SRGAP1: variants seen among roughly 807,000 people sequenced by gnomAD.
The protein encoded by SRGAP1 is SLIT-ROBO Rho GTPase-activating protein 1.
Under a neutral mutation model 121.9 loss-of-function variants are expected in SRGAP1, and 43 were observed. The observed-to-expected ratio is 0.35, with a 90% CI of 0.28 to 0.46. The LOEUF (loss-of-function observed/expected upper bound fraction) is 0.46. SRGAP1 is among the 20% of genes least tolerant of loss of function. The probability of loss-of-function intolerance (pLI) is 1.00; values close to 1 mark genes in which losing one functional copy is unlikely to be tolerated. For synonymous variants in SRGAP1, 447 were observed against 485.4 expected, an observed-to-expected ratio of 0.92 and a Z score of 1.04; for missense variants, 1,102 against 1,350.9, an observed-to-expected ratio of 0.82 and a Z score of 2.89.
At chr12:63,897,872 A>G (rs1332921703) in intron 1 of SRGAP1, among the ~76,000 whole-genome samples, 4 of 152,114 alleles carry the variant, frequency 2.6e-5, no homozygotes, top group Non-Finnish European at 5.9e-5. Flanking sequence ...TGTTTTTCAT[A>G]GGTATTTCTG....
intron 1 of SRGAP1, among the ~76,000 whole-genome samples, chr12:63,903,824 G>A (rs1406523898): frequency 2.0e-5 from 3 of 151,662 alleles, no homozygotes; most frequent in East Asian, 2.0e-4. Flanking sequence ...TAGTAGAGAC[G>A]GGGTTTCACT....
rs1415687728 is a variant in SRGAP1 at position 64,147,839 on chromosome 12, TTGTC to T, written c.*5170_*5173del. 49 of 396,214 alleles carry T rather than the reference TTGTC, an allele frequency of 1.2e-4. No homozygotes were observed. Among genetic ancestry groups the T allele is most frequent in the Non-Finnish European group, 2.0e-4 (45 of 225,126 alleles). 24.5% of individuals were successfully genotyped at this position (396,214 alleles called of 1,614,324 possible). The stretch of plus-strand genomic sequence containing the variant: ...ATAAATAAGATAGTTCTGGCTGCCT[TTGTC>T]TGCTTCCAGTTTGATGTGCATCTCT... On this transcript the variant is annotated 3_prime_UTR_variant, in exon 22 of 22. Coordinates refer to ENST00000355086, the MANE Select transcript of SRGAP1 (RefSeq NM_020762.4).
At chr12:64,027,620 T>G (rs2034682434) in intron 4 of SRGAP1, among the ~76,000 whole-genome samples, 2 of 152,038 alleles carry the variant, frequency 1.3e-5, no homozygotes, top group South Asian at 2.1e-4. Context: ...AATCAGAAGT[T>G]GAATGATTTA....
intron 1 of SRGAP1, among the ~76,000 whole-genome samples, chr12:63,941,676 GAA>G (rs543399375): frequency 0.058 from 6,845 of 117,518 alleles, 364 homozygotes; most frequent in African/African-American, 0.15. Flanking sequence ...ATGCCAGTTA[GAA>G]AAAAAAAAAA....
chr12:63,878,617 A>T lies in SRGAP1; in HGVS notation c.67+33734A>T, dbSNP rs529463594. 4.6e-5 allele frequency among the ~76,000 whole-genome samples: 7 copies of T among 152,312 alleles called. No homozygotes were observed. The South Asian group carries it at 1.4e-3, about 32-fold the overall frequency. The stretch of plus-strand genomic sequence containing the variant: ...ATTGATTTTTCTAGTCAATTTGACT[A>T]CATCTCTAGAACACGGTAGGGATGA... On this transcript the variant is annotated intron_variant, in intron 1 of 21. Transcript: ENST00000355086.
chr12:64,037,020 A>G lies in SRGAP1; in HGVS notation c.490-5770A>G, dbSNP rs116374135. ...ACTCTGAATGAAGAGCTGTCTTGAA[A>G]GACAATACTTGTCTTGGCAATCAGA... is the stretch of plus-strand genomic sequence containing the variant. On this transcript the variant is annotated intron_variant, in intron 4 of 21. Transcript: ENST00000355086. Among the ~76,000 whole-genome samples, 729 of 152,320 alleles carry G rather than the reference A, an allele frequency of 4.8e-3. 8 individuals are homozygous for G. Among genetic ancestry groups the G allele is most frequent in the African/African-American group, 0.017 (700 of 41,570 alleles).
intron 11 of SRGAP1, 29 bp downstream of exon 11, chr12:64,087,055 G>A (rs1426565409): frequency 2.6e-6 from 4 of 1,540,822 alleles, no homozygotes; most frequent in South Asian, 1.2e-5. Context: ...ATAACTTATA[G>A]CGTATTTTAC....
chr12:64,088,347 T>C (rs2035984856), intron 11 of SRGAP1, among the ~76,000 whole-genome samples: 1 of 152,218 alleles, frequency 6.6e-6, no homozygotes, highest in Non-Finnish European at 1.5e-5. Context: ...TATCAATTAT[T>C]TTACCTGTTG....
chr12:64,100,319 T>C (rs1351893492), intron 15 of SRGAP1, among the ~76,000 whole-genome samples: 3 of 152,208 alleles, frequency 2.0e-5, no homozygotes. Flanking sequence ...AGCATGATTT[T>C]TCCCAGCACA....
chr12:64,000,142 A>G (rs1024494830), intron 3 of SRGAP1, among the ~76,000 whole-genome samples: 6 of 152,070 alleles, frequency 3.9e-5, no homozygotes, highest in Non-Finnish European at 8.8e-5. Context: ...GCAAGTTAGG[A>G]CAGCAAATGT....
chr12:64,014,758 T>TTTG (rs56666934), intron 3 of SRGAP1, among the ~76,000 whole-genome samples: 64 of 151,598 alleles, frequency 4.2e-4, no homozygotes, highest in South Asian at 1.5e-3. Context: ...CATAAGGGAA[T>TTTG]TTGTTGTTGT....
intron 1 of SRGAP1, among the ~76,000 whole-genome samples, chr12:63,876,974 A>G (rs1044797211): frequency 6.6e-6 from 1 of 152,214 alleles, no homozygotes; most frequent in African/African-American, 2.4e-5. Flanking sequence ...CTGTAATCCC[A>G]GCACTTTTGG....
At chr12:64,077,412 G>A (rs2035757601) in intron 8 of SRGAP1, among the ~76,000 whole-genome samples, 1 of 150,832 alleles carries the variant, frequency 6.6e-6, no homozygotes, top group Non-Finnish European at 1.5e-5. Flanking sequence ...TAAATACATG[G>A]GTGATGCTAA....
intron 3 of SRGAP1, among the ~76,000 whole-genome samples, chr12:64,008,537 G>A (rs1466341997): frequency 6.6e-6 from 1 of 152,102 alleles, no homozygotes; most frequent in Non-Finnish European, 1.5e-5. Context: ...TAAAAAGTAT[G>A]GGTATAGTTC....
intron 6 of SRGAP1, among the ~76,000 whole-genome samples, chr12:64,062,309 CA>C (rs1312789258): frequency 1.3e-5 from 2 of 152,220 alleles, no homozygotes; most frequent in African/African-American, 4.8e-5. Flanking sequence ...AGCATCTCCT[CA>C]TGTGCTTGTT....
At chr12:64,141,868 A>G (rs1480975973) in intron 21 of SRGAP1, among the ~76,000 whole-genome samples, 1 of 152,024 alleles carries the variant, frequency 6.6e-6, no homozygotes, top group Non-Finnish European at 1.5e-5. Context: ...GAGGTAGCAC[A>G]TACCTGTGGT....
intron 3 of SRGAP1, among the ~76,000 whole-genome samples, chr12:64,004,286 T>C (rs1049369910): frequency 6.6e-6 from 1 of 152,218 alleles, no homozygotes; most frequent in African/African-American, 2.4e-5. Context: ...TTTAAAAATA[T>C]GGTTCAGTAC....
In SRGAP1 at chr12:64,147,044, GC is replaced by G. The variant is rs1174883567; in HGVS notation, c.*4378del. 2 of 155,692 alleles carry G rather than the reference GC, an allele frequency of 1.3e-5. No homozygotes were observed. Among genetic ancestry groups the G allele is most frequent in the Admixed American group, 6.5e-5 (1 of 15,334 alleles). 9.6% of individuals were successfully genotyped at this position (155,692 alleles called of 1,614,324 possible). On this transcript the variant is annotated 3_prime_UTR_variant, in exon 22 of 22. Coordinates refer to ENST00000355086, the MANE Select transcript of SRGAP1 (RefSeq NM_020762.4). ...ATATATGAACCGTGCATTTGTGAATGCCCCCCTTAGAGCATTCATCCAAGTT... is the reference window on the plus strand; with the variant it reads ...ATATATGAACCGTGCATTTGTGAATGCCCCCTTAGAGCATTCATCCAAGTT...
At position 63,889,523 on chromosome 12, in the gene SRGAP1, A is replaced by G. The variant is rs1050707943; in HGVS notation, c.67+44640A>G. Among the ~76,000 whole-genome samples, 5 of 152,218 alleles carry G rather than the reference A, an allele frequency of 3.3e-5. No homozygotes were observed. In the East Asian group the frequency reaches 7.7e-4, roughly 23 times the overall value. ...TGCTGCTGTTAGAAAATGGGAGTCC[A>G]TAGACTTTTCTACAATGCCGTGTGG... On this transcript the variant is annotated intron_variant, in intron 1 of 21. Transcript: ENST00000355086.
Sources: allele counts gnomAD v4.1 joint callset (sites outside exome capture counted in the v4.1 genomes callset), GRCh38; gene constraint gnomAD v4.1.1; transcripts MANE v1.5; gene names NCBI Gene and HGNC (gene_info 2026-07-23, HGNC 2026-07-21).